DPP10: variants seen among roughly 807,000 people sequenced by gnomAD.
DPP10 encodes the protein inactive dipeptidyl peptidase 10.
DPP10 carries 33 observed loss-of-function variants against 120.9 expected under a neutral mutation model. The observed-to-expected ratio is 0.27, with a 90% confidence interval of 0.21 to 0.37. DPP10 has a LOEUF of 0.37. DPP10 is among the 10% of genes least tolerant of loss of function. DPP10 has a pLI of 1.00. For missense variants in DPP10, 816 were observed against 942.8 expected (o/e 0.87, Z 1.76); for synonymous variants, 337 against 326.1 (o/e 1.03, Z -0.36).
intron 8 of DPP10, among the ~76,000 whole-genome samples, chr2:115,738,235 G>A (rs757593424): frequency 1.3e-5 from 2 of 152,092 alleles, no homozygotes; most frequent in Non-Finnish European, 1.5e-5. Flanking sequence ...TTGGACTGTG[G>A]CCATAGTTTC....
At chr2:114,625,196 G>A (rs1694418218) in intron 1 of DPP10, among the ~76,000 whole-genome samples, 3 of 151,820 alleles carry the variant, frequency 2.0e-5, no homozygotes, top group Admixed American at 6.6e-5. Context: ...TTATTTTGTT[G>A]TTGTATTGTT....
At chr2:115,583,906 A>G (rs1187308982) in intron 5 of DPP10, among the ~76,000 whole-genome samples, 1 of 152,222 alleles carries the variant, frequency 6.6e-6, no homozygotes, top group Non-Finnish European at 1.5e-5. Flanking sequence ...GCATTAGAAG[A>G]TGCTTTTTGC....
intron 5 of DPP10, among the ~76,000 whole-genome samples, chr2:115,605,677 C>G (rs1247794683): frequency 1.3e-5 from 2 of 151,988 alleles, no homozygotes; most frequent in African/African-American, 4.8e-5. Flanking sequence ...ATGTTCCTAT[C>G]TTCTTATCAA....
intron 1 of DPP10, among the ~76,000 whole-genome samples, chr2:114,664,300 C>G (rs368778296): frequency 6.6e-6 from 1 of 151,508 alleles, no homozygotes; most frequent in Admixed American, 6.6e-5. Context: ...GAGTCATAAC[C>G]CTTGGAGAGA....
At chr2:114,951,250 C>T (rs1193728184) in intron 1 of DPP10, among the ~76,000 whole-genome samples, 3 of 152,132 alleles carry the variant, frequency 2.0e-5, no homozygotes, top group Non-Finnish European at 2.9e-5. Context: ...CTCAAGAAAG[C>T]TCAACCTTCA....
intron 1 of DPP10, among the ~76,000 whole-genome samples, chr2:114,972,653 C>T (rs1370540670): frequency 1.3e-5 from 2 of 152,184 alleles, no homozygotes; most frequent in Admixed American, 1.3e-4. Flanking sequence ...TGGTTACTAT[C>T]AGCAATTGGA....
intron 1 of DPP10, among the ~76,000 whole-genome samples, chr2:114,725,066 T>A (rs1480941165): frequency 6.6e-6 from 1 of 152,176 alleles, no homozygotes; most frequent in Non-Finnish European, 1.5e-5. Flanking sequence ...GTCAAACAAC[T>A]TCGTATCAGC....
chr2:114,547,465 T>G (rs1573622073), intron 1 of DPP10, among the ~76,000 whole-genome samples: 1 of 151,984 alleles, frequency 6.6e-6, no homozygotes, highest in African/African-American at 2.4e-5. Context: ...TTTTTTTTTT[T>G]CCTTTTTCCA....
At chr2:115,309,998 G>C (rs780067732) in intron 2 of DPP10, among the ~76,000 whole-genome samples, 28 of 152,154 alleles carry the variant, frequency 1.8e-4, no homozygotes, top group Non-Finnish European at 4.1e-4. Flanking sequence ...CAATACCCAG[G>C]AGATTCATTA....
chr2:115,461,065 T>C (rs1320402330), intron 3 of DPP10, among the ~76,000 whole-genome samples: 1 of 152,200 alleles, frequency 6.6e-6, no homozygotes, highest in Non-Finnish European at 1.5e-5. Context: ...ATTTAAAAAG[T>C]TGTTATTTAA....
At chr2:114,755,835 G>A (rs116020491) in intron 1 of DPP10, among the ~76,000 whole-genome samples, 1,775 of 151,124 alleles carry the variant, frequency 0.012, 31 homozygotes, top group African/African-American at 0.041. Context: ...TTTTTCCTCA[G>A]TTTGTTCTTT....
At chr2:115,302,992 T>C (rs1269914331) in intron 1 of DPP10, among the ~76,000 whole-genome samples, 1 of 152,012 alleles carries the variant, frequency 6.6e-6, no homozygotes, top group Non-Finnish European at 1.5e-5. Flanking sequence ...ATTTTCTTTA[T>C]TGGTATTCTT....
chr2:114,478,070 C>G (rs1244106788), intron 1 of DPP10, among the ~76,000 whole-genome samples: 1 of 151,660 alleles, frequency 6.6e-6, no homozygotes, highest in Non-Finnish European at 1.5e-5. Context: ...AATACTGCTG[C>G]TACTCAATTC....
intron 3 of DPP10, among the ~76,000 whole-genome samples, chr2:115,383,386 G>A (rs1213569078): frequency 6.6e-6 from 1 of 152,184 alleles, no homozygotes; most frequent in African/African-American, 2.4e-5. Context: ...TGCCATGATT[G>A]TGAGTCCTCC....
chr2:115,456,550 G>A (rs2073560373), intron 3 of DPP10, among the ~76,000 whole-genome samples: 1 of 152,074 alleles, frequency 6.6e-6, no homozygotes, highest in Non-Finnish European at 1.5e-5. Flanking sequence ...GCAAAGTCTT[G>A]GAACCAGCCC....
chr2:114,805,378 C>T (rs556388860), intron 1 of DPP10, among the ~76,000 whole-genome samples: 8 of 152,264 alleles, frequency 5.3e-5, no homozygotes, highest in African/African-American at 1.2e-4. Flanking sequence ...TTCAGGAAGC[C>T]GCTCTTGTGC....
At chr2:115,366,504 C>T (rs1334978656) in intron 3 of DPP10, among the ~76,000 whole-genome samples, 2 of 151,982 alleles carry the variant, frequency 1.3e-5, no homozygotes, top group Non-Finnish European at 2.9e-5. Flanking sequence ...AGTTAGTGTA[C>T]AGATTTTTAA....
chr2:114,907,440 T>A lies in DPP10; in HGVS notation c.61-401799T>A, dbSNP rs1174167390. 1.4e-4 allele frequency among the ~76,000 whole-genome samples: 22 copies of A among 152,252 alleles called. No homozygotes were observed. In the South Asian group the frequency reaches 4.6e-3, roughly 32 times the overall value. On this transcript the variant is annotated intron_variant, in intron 1 of 25. Coordinates refer to ENST00000410059, the MANE Select transcript of DPP10 (RefSeq NM_020868.6). ...TTTTTAAATATAGAATTTACAGCTA[T>A]ATATTTATCTTAAAGCGCTGCTTTT...
At chr2:114,963,079 AT>A (rs1698764833) in intron 1 of DPP10, among the ~76,000 whole-genome samples, 1 of 152,222 alleles carries the variant, frequency 6.6e-6, no homozygotes, top group Admixed American at 6.5e-5. Context: ...ATTCTTAAGC[AT>A]AGTATTTTTA....
Sources: allele counts gnomAD v4.1 joint callset (sites outside exome capture counted in the v4.1 genomes callset), GRCh38; gene constraint gnomAD v4.1.1; transcripts MANE v1.5; gene names NCBI Gene and HGNC (gene_info 2026-07-23, HGNC 2026-07-21).